The following AKT3 variants were observed in gnomAD, a reference collection of about 807,000 sequenced individuals.
The protein encoded by AKT3 is AKT serine/threonine kinase 3.
Under a neutral mutation model 65.3 loss-of-function variants are expected in AKT3, and 15 were observed. The observed-to-expected ratio is 0.23, with a 90% CI of 0.15 to 0.35. AKT3 has a LOEUF of 0.35. Among genes scored for constraint, AKT3 ranks in the 10% least tolerant of loss-of-function variants. The pLI, the probability that AKT3 is intolerant of heterozygous loss-of-function variation, is 1.00. For missense variants in AKT3, 243 were observed against 576.5 expected (o/e 0.42, Z 5.92); for synonymous variants, 206 against 183.8 (o/e 1.12, Z -0.98).
chr1:243,795,466 T>TG (rs1691919283), intron 2 of AKT3, among the ~76,000 whole-genome samples: 1 of 96,716 alleles, frequency 1.0e-5, no homozygotes, highest in African/African-American at 3.2e-5. Flanking sequence ...TTTTTTGTTT[T>TG]TTTTTTTTGG....
intron 2 of AKT3, among the ~76,000 whole-genome samples, chr1:243,744,450 A>G (rs1688347953): frequency 2.0e-5 from 3 of 152,164 alleles, no homozygotes; most frequent in South Asian, 2.1e-4. Flanking sequence ...TTACCTTAAA[A>G]AATTATTGGC....
intron 2 of AKT3, among the ~76,000 whole-genome samples, chr1:243,795,172 A>G (rs1422062884): frequency 6.6e-6 from 1 of 151,606 alleles, no homozygotes; most frequent in African/African-American, 2.4e-5. Context: ...GTCTTCCCCC[A>G]GATGACCAAT....
intron 3 of AKT3, among the ~76,000 whole-genome samples, chr1:243,668,948 T>C (rs1285751163): frequency 3.3e-5 from 5 of 152,184 alleles, no homozygotes; most frequent in African/African-American, 1.2e-4. Context: ...CAGCATGACA[T>C]TTTTTGAAAT....
chr1:243,661,690 C>T (rs1193879711), intron 4 of AKT3, among the ~76,000 whole-genome samples: 2 of 151,192 alleles, frequency 1.3e-5, no homozygotes, highest in Non-Finnish European at 3.0e-5. Context: ...GCAACAAAAG[C>T]CAAAATTGAC....
At position 243,683,260 on chromosome 1, in the gene AKT3, C is replaced by T. The variant is rs114979138; in HGVS notation, c.172+12331G>A. 3.3e-3 allele frequency among the ~76,000 whole-genome samples: 509 copies of T among 152,250 alleles called. 8 individuals are homozygous for T. The highest frequency in any genetic ancestry group is 0.011 in the African/African-American group (472 of 41,556). ...TGTGAAAGGGCTTGATACATAGTAA[C>T]GCTCAAAGAAAGGTTGGTTTCCTTA... On this transcript the variant is annotated intron_variant, in intron 3 of 13. Transcript: ENST00000673466.
At chr1:243,808,886 TAAAGA>T (rs1377796485) in intron 2 of AKT3, among the ~76,000 whole-genome samples, 1 of 152,198 alleles carries the variant, frequency 6.6e-6, no homozygotes, top group South Asian at 2.1e-4. Flanking sequence ...TCAACATACT[TAAAGA>T]AAAGAATTTT....
chr1:243,605,553 C>T (rs1257030404), intron 8 of AKT3, among the ~76,000 whole-genome samples: 1 of 152,192 alleles, frequency 6.6e-6, no homozygotes, highest in Admixed American at 6.5e-5. Context: ...ATAATCACAT[C>T]ATTTAAATCA....
chr1:243,536,083 T>G (rs1671904920), intron 12 of AKT3, among the ~76,000 whole-genome samples: 2 of 149,204 alleles, frequency 1.3e-5, no homozygotes, highest in African/African-American at 5.2e-5. Flanking sequence ...ATTTGAATTT[T>G]TTCTTGCTGA....
At chr1:243,495,932 C>T (rs972609266), downstream of AKT3, among the ~76,000 whole-genome samples, 26 of 152,120 alleles carry the variant, frequency 1.7e-4, no homozygotes, top group Non-Finnish European at 3.1e-4. Context: ...GTCAAACTGC[C>T]TGGATTCGAA....
At chr1:243,727,564 A>C (rs1687287710) in intron 2 of AKT3, among the ~76,000 whole-genome samples, 2 of 152,162 alleles carry the variant, frequency 1.3e-5, no homozygotes, top group South Asian at 4.1e-4. Flanking sequence ...TACAGGTGTC[A>C]GCCACTGCTC....
chr1:243,731,788 T>G (rs1184552614), intron 2 of AKT3, among the ~76,000 whole-genome samples: 3 of 152,190 alleles, frequency 2.0e-5, no homozygotes, highest in Non-Finnish European at 4.4e-5. Context: ...CATGGACCAA[T>G]GTACTTCACT....
chr1:243,820,776 G>C (rs1335398273), intron 2 of AKT3, among the ~76,000 whole-genome samples: 1 of 152,058 alleles, frequency 6.6e-6, no homozygotes, highest in East Asian at 1.9e-4. Context: ...GAGAACTATG[G>C]GATTATGTAA....
chr1:243,672,403 T>A (rs540387832), intron 3 of AKT3, among the ~76,000 whole-genome samples: 165 of 152,342 alleles, frequency 1.1e-3, no homozygotes, highest in Non-Finnish European at 1.9e-3. Context: ...CAGCTCCGCA[T>A]TGCTAGTTAT....
At chr1:243,678,124 A>G (rs1683659034) in intron 3 of AKT3, among the ~76,000 whole-genome samples, 1 of 152,042 alleles carries the variant, frequency 6.6e-6, no homozygotes, top group South Asian at 2.1e-4. Flanking sequence ...GAGATAGCCT[A>G]TCAGTCATTA....
intron 2 of AKT3, among the ~76,000 whole-genome samples, chr1:243,825,951 G>A (rs1428463820): frequency 1.3e-5 from 2 of 151,982 alleles, no homozygotes; most frequent in Non-Finnish European, 2.9e-5. Context: ...AGCCAACATG[G>A]CGAAACCCCA....
chr1:243,640,890 T>C (rs1004990682), intron 5 of AKT3, among the ~76,000 whole-genome samples: 1 of 152,134 alleles, frequency 6.6e-6, no homozygotes, highest in Non-Finnish European at 1.5e-5. Context: ...TTTGATTGTA[T>C]TGAAAGATGC....
intron 8 of AKT3, among the ~76,000 whole-genome samples, chr1:243,590,950 C>A (rs1207080265): frequency 6.6e-6 from 1 of 152,148 alleles, no homozygotes; most frequent in Non-Finnish European, 1.5e-5. Context: ...ATTACTCCAG[C>A]TGGATACCTA....
intron 3 of AKT3, among the ~76,000 whole-genome samples, chr1:243,677,819 G>C (rs1683626255): frequency 6.6e-6 from 1 of 152,206 alleles, no homozygotes; most frequent in Non-Finnish European, 1.5e-5. Context: ...AGGTGCGGTG[G>C]CTCATGCCTG....
intron 8 of AKT3, among the ~76,000 whole-genome samples, chr1:243,600,188 A>G (rs1352037708): frequency 6.6e-6 from 1 of 152,150 alleles, no homozygotes; most frequent in African/African-American, 2.4e-5. Context: ...AACATATACC[A>G]TATTTATGAA....
Sources: allele counts gnomAD v4.1 joint callset (sites outside exome capture counted in the v4.1 genomes callset), GRCh38; gene constraint gnomAD v4.1.1; transcripts MANE v1.5; gene names NCBI Gene and HGNC (gene_info 2026-07-23, HGNC 2026-07-21).